CRBN: variants seen among roughly 807,000 people sequenced by gnomAD.
CRBN encodes protein cereblon.
In CRBN, 53 loss-of-function variants were observed where a neutral mutation model predicts 62.2. That is an observed-to-expected ratio of 0.85 (90% CI 0.68 to 1.07). The LOEUF is 1.07. Ranked by LOEUF, CRBN falls within the 50% of genes least tolerant of loss-of-function variation. The probability of loss-of-function intolerance (pLI) is 0.00; values close to 1 mark genes in which losing one functional copy is unlikely to be tolerated. For missense variants in CRBN, 616 were observed against 531.1 expected (o/e 1.16, Z -1.57); for synonymous variants, 208 against 176.1 (o/e 1.18, Z -1.43).
Position 3,152,150 on chromosome 3 carries a change from A to ATT in CRBN, c.1148+304_1148+305dup, listed in dbSNP as rs66844241. 3.7e-3 allele frequency among the ~76,000 whole-genome samples: 540 copies of ATT among 147,084 alleles called. 6 individuals are homozygous for ATT. Among genetic ancestry groups the ATT allele is most frequent in the Middle Eastern group, 7.1e-3 (2 of 282 alleles). ...TGTGGAATGAAGGACATTTAAATAAATTTTTTTTTTTTTTTAAATAGACAG... is the reference window on the plus strand; with the variant it reads ...TGTGGAATGAAGGACATTTAAATAAATTTTTTTTTTTTTTTTTAAATAGACAG... On this transcript the variant is annotated intron_variant, in intron 10 of 10. Transcript: ENST00000231948.
At chr3:3,171,534 C>A (rs1283140299) in intron 4 of CRBN, among the ~76,000 whole-genome samples, 1 of 152,140 alleles carries the variant, frequency 6.6e-6, no homozygotes, top group African/African-American at 2.4e-5. Flanking sequence ...CAGGACAGTG[C>A]AATGTGGTAA....
intron 5 of CRBN, among the ~76,000 whole-genome samples, chr3:3,164,686 T>C (rs1003410140): frequency 6.6e-6 from 1 of 152,238 alleles, no homozygotes; most frequent in Non-Finnish European, 1.5e-5. Context: ...CTCTTTATAA[T>C]TATTACTGCT....
chr3:3,175,129 T>C (rs1241516700), intron 2 of CRBN, 34 bp downstream of exon 2: 10 of 1,279,858 alleles, frequency 7.8e-6, no homozygotes, highest in Admixed American at 3.4e-5. Context: ...TAAATGTATA[T>C]CTATTATATT....
chr3:3,173,579 T>C (rs564076974), intron 3 of CRBN, among the ~76,000 whole-genome samples: 1 of 152,298 alleles, frequency 6.6e-6, no homozygotes, highest in Non-Finnish European at 1.5e-5. Context: ...GAGCTTCCTG[T>C]ATGTATTTCC....
At position 3,150,133 on chromosome 3, in the gene CRBN, A is replaced by G. The variant is rs1170891860; in HGVS notation, c.*732T>C. 1 of 152,124 alleles carries G rather than the reference A, an allele frequency of 6.6e-6. No homozygotes were observed. Among genetic ancestry groups the G allele is most frequent in the African/African-American group, 2.4e-5 (1 of 41,450 alleles). 9.4% of individuals were successfully genotyped at this position (152,124 alleles called of 1,614,324 possible). ...TGTTTTGGCATCTTTTCCCTATAGTAGTAGTTTTGGTTCAAATTAATTTTT... is the reference window on the plus strand; with the variant it reads ...TGTTTTGGCATCTTTTCCCTATAGTGGTAGTTTTGGTTCAAATTAATTTTT... On this transcript the variant is annotated 3_prime_UTR_variant, in exon 11 of 11. Transcript: ENST00000231948.
intron 10 of CRBN, among the ~76,000 whole-genome samples, chr3:3,152,226 C>T (rs552062628): frequency 1.3e-5 from 2 of 151,230 alleles, no homozygotes; most frequent in Non-Finnish European, 2.9e-5. Flanking sequence ...TCTTGGCTCA[C>T]TGCAACACTC....
Position 3,153,986 on chromosome 3 carries a change from G to A in CRBN, c.925C>T (p.Arg309Cys), listed in dbSNP as rs1706756950. The stretch of plus-strand genomic sequence containing the variant: ...TTATTCATAATGTCTAATTCACAGC[G>A]AAGTCGCTGGATAGCACTGCCAATT... ...LKIGSAIQRL[R>C]CELDIMNKCT... Residue 309 changes from arginine (R) to cysteine (C), a missense_variant, in exon 8 of 11, where the codon CGC (arginine) becomes TGC (cysteine). Physicochemically the swap from Arg to Cys is radical, Grantham distance 180 (BLOSUM62 -3). Transcript: ENST00000231948. 5.6e-6 allele frequency: 9 copies of A among 1,610,012 alleles called. No individual in the cohort carries two copies. Among genetic ancestry groups the A allele is most frequent in the South Asian group, 1.1e-5 (1 of 90,980 alleles).
At chr3:3,157,044 A>G (rs973935163) in intron 5 of CRBN, among the ~76,000 whole-genome samples, 3 of 152,246 alleles carry the variant, frequency 2.0e-5, no homozygotes, top group Non-Finnish European at 4.4e-5. Flanking sequence ...ATTCAGTGCA[A>G]TACCAGTGAG....
chr3:3,157,757 G>A, intron 5 of CRBN, among the ~76,000 whole-genome samples: 1 of 152,164 alleles, frequency 6.6e-6, no homozygotes, highest in East Asian at 1.9e-4. Flanking sequence ...TCCTATTCTA[G>A]CTATGTTAGT....
intron 1 of CRBN, among the ~76,000 whole-genome samples, chr3:3,178,163 G>T (rs1465624149): frequency 6.6e-6 from 1 of 152,122 alleles, no homozygotes; most frequent in African/African-American, 2.4e-5. Context: ...TGAAACACCG[G>T]ATTTGGCACA....
intron 5 of CRBN, among the ~76,000 whole-genome samples, chr3:3,166,388 G>C (rs1320434764): frequency 1.3e-5 from 2 of 152,110 alleles, no homozygotes; most frequent in Non-Finnish European, 2.9e-5. Flanking sequence ...CAGCCATGTG[G>C]AACTTTAAGT....
intron 5 of CRBN, among the ~76,000 whole-genome samples, chr3:3,165,387 T>A (rs1559250825): frequency 6.6e-6 from 1 of 152,176 alleles, no homozygotes; most frequent in Non-Finnish European, 1.5e-5. Context: ...AGGGATCTTT[T>A]GTGAAAGGAA....
chr3:3,150,327 CAG>C lies in CRBN; in HGVS notation c.*536_*537del, dbSNP rs1489876649. 1 of 152,366 alleles carries C rather than the reference CAG, an allele frequency of 6.6e-6. No homozygotes were observed. The highest frequency in any genetic ancestry group is 1.5e-5 in the Non-Finnish European group (1 of 68,262). The allele number at this position is 152,366 out of a possible 1,614,324, so 9.4% of individuals were successfully genotyped here. A position where few individuals can be genotyped will look rare whatever the true frequency, so the allele number is the denominator to read the frequency against. On this transcript the variant is annotated 3_prime_UTR_variant, in exon 11 of 11. Transcript: ENST00000231948. The stretch of plus-strand genomic sequence containing the variant: ...TTTCAAAATTTACAAATCAGTATCT[CAG>C]AGAAGTTAAAGAAAATGGAAAGGAA...
intron 1 of CRBN, 82 bp downstream of exon 1, chr3:3,179,539 C>G: frequency 7.1e-7 from 1 of 1,406,292 alleles, no homozygotes; most frequent in South Asian, 1.2e-5. Context: ...CCCCCACGCC[C>G]GCCTCCCAGG....
Position 3,164,552 on chromosome 3 carries a change from G to C in CRBN, c.687+3082C>G, listed in dbSNP as rs554952270. Among the ~76,000 whole-genome samples the C allele has an allele frequency of 9.2e-5, 14 of 152,294 alleles. No homozygotes were observed. In the East Asian group the frequency reaches 2.7e-3, roughly 29 times the overall value. On this transcript the variant is annotated intron_variant, in intron 5 of 10. Transcript: ENST00000231948. ...AAAAATCCTAGGGCCCTTTAAGAAT[G>C]CTAAATCTACTCTGCCTGTGCTCTG...
At chr3:3,154,408 C>T in intron 7 of CRBN, 2 of 447,342 alleles carry the variant, frequency 4.5e-6, no homozygotes, top group Non-Finnish European at 4.0e-6. Flanking sequence ...TAAGGCAAGT[C>T]CTGGAACTAG....
Position 3,153,667 on chromosome 3 carries a change from G to A in CRBN, c.952-179C>T, listed in dbSNP as rs6793531. The stretch of plus-strand genomic sequence containing the variant: ...GGAGCACGAAAGTCACTGAAACTGA[G>A]ATCTGCCACATATTTACATAAAACT... On this transcript the variant is annotated intron_variant, in intron 8 of 10. Coordinates refer to ENST00000231948, the MANE Select transcript of CRBN (RefSeq NM_016302.4). 0.011 allele frequency: 6,935 copies of A among 627,764 alleles called. 382 individuals are homozygous for A. The African/African-American group carries it at 0.11, about 10-fold the overall frequency. The allele number at this position is 627,764 out of a possible 1,614,324, so 38.9% of individuals were successfully genotyped here.
At chr3:3,159,371 C>T (rs541377267) in intron 5 of CRBN, among the ~76,000 whole-genome samples, 2 of 152,298 alleles carry the variant, frequency 1.3e-5, no homozygotes, top group South Asian at 4.1e-4. Flanking sequence ...CTGACACACT[C>T]CTCATTCAGT....
intron 4 of CRBN, among the ~76,000 whole-genome samples, chr3:3,170,337 A>C (rs1707553118): frequency 6.6e-6 from 1 of 152,104 alleles, no homozygotes; most frequent in Non-Finnish European, 1.5e-5. Flanking sequence ...GGATATTTAT[A>C]TTTTTTAATT....
Sources: gnomAD v4.1 joint callset for allele counts (sites outside exome capture counted in the v4.1 genomes callset) on GRCh38, gnomAD v4.1.1 for gene constraint, MANE v1.5 for transcripts, NCBI Gene and HGNC (gene_info 2026-07-23, HGNC 2026-07-21) for gene names.